Variants in TPD52L1 observed in about 807,000 individuals in gnomAD.
TPD52L1 encodes the protein tumor protein D53.
In TPD52L1, 18 loss-of-function variants were observed where a neutral mutation model predicts 28.7. The observed-to-expected ratio is 0.63, with a 90% CI of 0.43 to 0.93. The LOEUF is 0.93. Among genes scored for constraint, TPD52L1 ranks in the 40% least tolerant of loss-of-function variants. The pLI is 0.00. For synonymous variants in TPD52L1, 75 were observed against 88.8 expected, an observed-to-expected ratio of 0.84 and a Z score of 0.88; for missense variants, 203 against 254.8, an observed-to-expected ratio of 0.80 and a Z score of 1.39.
intron 4 of TPD52L1, chr6:125,253,371 G>A: frequency 3.4e-6 from 1 of 293,508 alleles, no homozygotes; most frequent in Non-Finnish European, 6.3e-6. Context: ...GTTTTCCTGA[G>A]CAGAAGGGAG....
chr6:125,196,056 G>A (rs1793418832), intron 1 of TPD52L1, among the ~76,000 whole-genome samples: 1 of 152,098 alleles, frequency 6.6e-6, no homozygotes, highest in East Asian at 1.9e-4. Flanking sequence ...GACATTGGCT[G>A]CCCATCAGTG....
At chr6:125,174,311 T>C (rs552539428) in intron 1 of TPD52L1, among the ~76,000 whole-genome samples, 23 of 152,344 alleles carry the variant, frequency 1.5e-4, no homozygotes, top group East Asian at 3.9e-4. Context: ...ATTTTCGTTA[T>C]AGCAGTTAGG....
chr6:125,172,530 A>ATATATATATATAT (rs1791508534), intron 1 of TPD52L1, among the ~76,000 whole-genome samples: 2 of 86,704 alleles, frequency 2.3e-5, no homozygotes, highest in Non-Finnish European at 4.1e-5. Flanking sequence ...ATATATATAT[A>ATATATATATATAT]TATATATATA....
intron 4 of TPD52L1, chr6:125,252,687 T>C (rs1259990231): frequency 1.3e-5 from 2 of 152,258 alleles, no homozygotes; most frequent in Non-Finnish European, 2.9e-5. Context: ...CAATTGGTAA[T>C]GCAGATGAGG....
chr6:125,253,976 G>A, intron 5 of TPD52L1: 1 of 739,192 alleles, frequency 1.4e-6, no homozygotes, highest in South Asian at 1.4e-5. Flanking sequence ...TCCAAGACAA[G>A]TGACTTAACC....
chr6:125,217,794 A>C (rs1336761200), intron 1 of TPD52L1, among the ~76,000 whole-genome samples: 1 of 152,082 alleles, frequency 6.6e-6, no homozygotes, highest in Non-Finnish European at 1.5e-5. Context: ...TTAATTCCTA[A>C]GTGATATTTT....
intron 4 of TPD52L1, among the ~76,000 whole-genome samples, chr6:125,250,749 T>G (rs1220723423): frequency 6.6e-6 from 1 of 152,248 alleles, no homozygotes; most frequent in Non-Finnish European, 1.5e-5. Flanking sequence ...TCCTCCCGTT[T>G]CAATGTGGCT....
chr6:125,256,042 G>C (rs1053141894), intron 5 of TPD52L1, among the ~76,000 whole-genome samples: 1 of 152,110 alleles, frequency 6.6e-6, no homozygotes, highest in Non-Finnish European at 1.5e-5. Context: ...TACAATGAAT[G>C]AGTCACAAAT....
chr6:125,252,166 C>A (rs3799733), intron 4 of TPD52L1: 261,775 of 1,043,324 alleles, frequency 0.25, 36,148 homozygotes, highest in Admixed American at 0.41. Context: ...AGACAGTTCC[C>A]GTGACCAGGA....
At chr6:125,226,230 T>G (rs1272502430) in intron 2 of TPD52L1, among the ~76,000 whole-genome samples, 1 of 152,236 alleles carries the variant, frequency 6.6e-6, no homozygotes, top group Non-Finnish European at 1.5e-5. Flanking sequence ...TTATAGAATC[T>G]GAGAATACAC....
chr6:125,242,596 A>G (rs1030176032), intron 3 of TPD52L1, among the ~76,000 whole-genome samples: 13 of 152,136 alleles, frequency 8.5e-5, no homozygotes, highest in African/African-American at 3.1e-4. Context: ...TTTGCTTGAT[A>G]TAAGAATAGC....
At chr6:125,204,893 C>T (rs1794019752) in intron 1 of TPD52L1, among the ~76,000 whole-genome samples, 2 of 152,164 alleles carry the variant, frequency 1.3e-5, no homozygotes, top group South Asian at 2.1e-4. Flanking sequence ...AGCAGTGATA[C>T]GAAGAATGGG....
At chr6:125,238,506 C>G (rs931185318) in intron 3 of TPD52L1, among the ~76,000 whole-genome samples, 1 of 151,962 alleles carries the variant, frequency 6.6e-6, no homozygotes, top group Non-Finnish European at 1.5e-5. Context: ...CCTCACCCCC[C>G]TCGAACCCTT....
intron 1 of TPD52L1, 23 bp downstream of exon 1, chr6:125,153,993 G>T (rs2277111): frequency 6.2e-7 from 1 of 1,601,386 alleles, no homozygotes; most frequent in Non-Finnish European, 8.5e-7. Flanking sequence ...CGATCGCCCC[G>T]AGAGTCAGGT....
chr6:125,155,513 A>T (rs1258780887), intron 1 of TPD52L1, among the ~76,000 whole-genome samples: 1 of 152,230 alleles, frequency 6.6e-6, no homozygotes, highest in Non-Finnish European at 1.5e-5. Flanking sequence ...CTTTACTTCC[A>T]AGATTTACTT....
At chr6:125,256,967 G>T (rs1033497943) in intron 5 of TPD52L1, 131 bp from the exon 6 acceptor site, 67 of 666,228 alleles carry the variant, frequency 1.0e-4, no homozygotes, top group Admixed American at 9.0e-4. Context: ...AACGTGGTTG[G>T]TGCAGGTGGC....
intron 5 of TPD52L1, among the ~76,000 whole-genome samples, 190 bp from the exon 6 acceptor site, chr6:125,256,908 C>G (rs1797640062): frequency 6.6e-6 from 1 of 152,232 alleles, no homozygotes; most frequent in Non-Finnish European, 1.5e-5. Context: ...AATTCCATGT[C>G]AGGTTATGGT....
At chr6:125,177,348 T>C (rs76041487) in intron 1 of TPD52L1, among the ~76,000 whole-genome samples, 9,089 of 152,270 alleles carry the variant, frequency 0.06, 343 homozygotes, top group Middle Eastern at 0.095. Flanking sequence ...CTCCTGATTT[T>C]TCCCCTGGAA....
intron 1 of TPD52L1, among the ~76,000 whole-genome samples, chr6:125,205,671 T>C (rs908634347): frequency 2.0e-5 from 3 of 152,230 alleles, no homozygotes; most frequent in African/African-American, 7.2e-5. Flanking sequence ...CATGTGGTAC[T>C]TGGTTAACTG....
Sources: allele counts gnomAD v4.1 joint callset (sites outside exome capture counted in the v4.1 genomes callset), GRCh38; gene constraint gnomAD v4.1.1; transcripts MANE v1.5; gene names NCBI Gene and HGNC (gene_info 2026-07-23, HGNC 2026-07-21).